The following SCAF8 variants were observed in gnomAD, a reference collection of about 807,000 sequenced individuals.
SCAF8 encodes the protein SR-related and CTD-associated factor 8.
In SCAF8, 23 loss-of-function variants were observed where a neutral mutation model predicts 140.5. The ratio of observed to expected loss-of-function variants is 0.16; its 90% confidence interval spans 0.12 to 0.23. The LOEUF (loss-of-function observed/expected upper bound fraction) is 0.23. Ranked by LOEUF, SCAF8 falls within the 10% of genes least tolerant of loss-of-function variation. SCAF8 has a pLI of 1.00. For missense variants in SCAF8, 1,397 were observed against 1,555.7 expected (o/e 0.90, Z 1.72); for synonymous variants, 575 against 528.9 (o/e 1.09, Z -1.20).
intron 1 of SCAF8, among the ~76,000 whole-genome samples, chr6:154,749,241 T>C (rs148655682): frequency 6.6e-6 from 1 of 152,332 alleles, no homozygotes; most frequent in African/African-American, 2.4e-5. Flanking sequence ...GCACCCAGCC[T>C]AAAATCTCTT....
intron 1 of SCAF8, chr6:154,742,090 G>A: frequency 1.1e-5 from 11 of 1,003,598 alleles, no homozygotes; most frequent in Non-Finnish European, 1.7e-5. Flanking sequence ...GTGGAATAGT[G>A]TATTTGATTA....
chr6:154,756,055 G>T (rs1778958889), intron 1 of SCAF8, among the ~76,000 whole-genome samples: 1 of 152,106 alleles, frequency 6.6e-6, no homozygotes, highest in Non-Finnish European at 1.5e-5. Flanking sequence ...TTTCTAACTG[G>T]ATGTTTATTT....
chr6:154,736,064 G>A (rs1778409226), intron 1 of SCAF8, among the ~76,000 whole-genome samples: 2 of 151,694 alleles, frequency 1.3e-5, no homozygotes, highest in African/African-American at 4.8e-5. Flanking sequence ...GGGCCCAAGC[G>A]GTCCTTTCAC....
Position 154,733,734 on chromosome 6 carries a change from C to T in SCAF8, c.-167C>T. ...CCGCTCTGCCGCTGAGGGAGCCCTT[C>T]CCCGCCAGCGCGTGCCCTTCCACTC... is the stretch of plus-strand genomic sequence containing the variant. On this transcript the variant is annotated 5_prime_UTR_variant, in exon 1 of 20. Transcript: ENST00000367178. 8 of 1,326,994 alleles carry T rather than the reference C, an allele frequency of 6.0e-6. No homozygotes were observed. Among genetic ancestry groups the T allele is most frequent in the Non-Finnish European group, 7.7e-6 (8 of 1,041,924 alleles). 82.2% of individuals were successfully genotyped at this position (1,326,994 alleles called of 1,614,324 possible).
chr6:154,733,648 C>A lies in SCAF8; in HGVS notation c.-253C>A. The A allele has an allele frequency of 1.6e-6, 2 of 1,286,652 alleles. No homozygotes were observed. The highest frequency in any genetic ancestry group is 2.0e-6 in the Non-Finnish European group (2 of 1,020,296). The allele number at this position is 1,286,652 out of a possible 1,614,324, so 79.7% of individuals were successfully genotyped here. A position where few individuals can be genotyped will look rare whatever the true frequency, so the allele number is the denominator to read the frequency against. On this transcript the variant is annotated 5_prime_UTR_variant, in exon 1 of 20. Transcript: ENST00000367178. ...CCCTCCCCCGCCCGCCGCCGACCCG[C>A]CCCGGCAGCGCCTCTGTTCCCTAGA...
intron 1 of SCAF8, among the ~76,000 whole-genome samples, chr6:154,735,769 C>T (rs370200715): frequency 2.6e-4 from 39 of 152,162 alleles, no homozygotes; most frequent in African/African-American, 9.2e-4. Context: ...CCGCCTTGGC[C>T]TCCCAAAGTG....
In SCAF8 at chr6:154,810,195, T is replaced by C. The variant is rs1562458138; in HGVS notation, c.1407T>C (p.Ser469=). 2 of 1,605,722 alleles carry C rather than the reference T, an allele frequency of 1.2e-6. No individual in the cohort carries two copies. The highest frequency in any genetic ancestry group is 1.7e-6 in the Non-Finnish European group (2 of 1,176,438). ...RQKKGLPPIR[S]KTLSVCSTTL... is the part of the protein sequence containing the mutation. Reference sequence around the variant, plus strand: ...AAAAGGGATTACCTCCAATTAGATCTAAAACACTAAGTGGTAAGTAACATA... The same window carrying C: ...AAAAGGGATTACCTCCAATTAGATCCAAAACACTAAGTGGTAAGTAACATA... Residue 469 remains serine (S), a synonymous_variant, in exon 12 of 20, where the codon TCT becomes TCC. Coordinates refer to ENST00000367178, the MANE Select transcript of SCAF8 (RefSeq NM_014892.5).
At position 154,733,928 on chromosome 6, in the gene SCAF8, G is replaced by T; in HGVS notation, c.28G>T (p.Glu10Ter). MEAVKTFNS[E>*]LYSLNDYKPP... is the part of the protein sequence containing the mutation. ...GGAGGCCGTGAAGACCTTCAATAGC[G>T]AGGTTGGTATGGCAGCCGGGTTCCC... is the stretch of plus-strand genomic sequence containing the variant. Residue 10 changes from glutamate to a stop codon, truncating the protein, a stop_gained and splice_region_variant, in exon 1 of 20, where the codon GAG becomes TAG. Coordinates refer to ENST00000367178, the MANE Select transcript of SCAF8 (RefSeq NM_014892.5). LOFTEE classifies it high-confidence loss of function. 1 of 1,534,874 alleles carries T rather than the reference G, an allele frequency of 6.5e-7. No homozygotes were observed. Among genetic ancestry groups the T allele is most frequent in the South Asian group, 1.2e-5 (1 of 81,928 alleles).
intron 5 of SCAF8, 151 bp downstream of exon 5, chr6:154,793,127 A>G: frequency 2.0e-6 from 1 of 496,198 alleles, no homozygotes; most frequent in Non-Finnish European, 3.3e-6. Flanking sequence ...ATAAAATTAG[A>G]TATTATGTTT....
At chr6:154,735,952 C>T (rs1778406005) in intron 1 of SCAF8, among the ~76,000 whole-genome samples, 1 of 151,516 alleles carries the variant, frequency 6.6e-6, no homozygotes, top group African/African-American at 2.4e-5. Context: ...ACCTCAGCCC[C>T]CCAAGTAGGT....
Position 154,805,440 on chromosome 6 carries a change from T to C in SCAF8, c.935T>C (p.Leu312Pro). Reference sequence around the variant, plus strand: ...GCAGAACAACTACAACAGCAAAACCTAGAACATCTCAGACAGCAGCTCTTG... The same window carrying C: ...GCAGAACAACTACAACAGCAAAACCCAGAACATCTCAGACAGCAGCTCTTG... Reference protein sequence around the residue: ...QIAEQLQQQNLEHLRQQLLEQ... With the variant: ...QIAEQLQQQNPEHLRQQLLEQ... Residue 312 changes from leucine to proline, a missense_variant, in exon 9 of 20, where the codon CTA becomes CCA. Leu to Pro is a moderately conservative substitution (Grantham distance 98). Around this residue, in one of 5 missense-constraint regions of SCAF8, gnomAD observed 339 missense variants for 407.5 expected, o/e 0.83. Transcript: ENST00000367178. The C allele has an allele frequency of 6.2e-7, 1 of 1,612,268 alleles. No homozygotes were observed. The highest frequency in any genetic ancestry group is 8.5e-7 in the Non-Finnish European group (1 of 1,178,782).
chr6:154,781,362 A>C (rs1777078806), intron 3 of SCAF8, among the ~76,000 whole-genome samples: 1 of 152,230 alleles, frequency 6.6e-6, no homozygotes, highest in African/African-American at 2.4e-5. Flanking sequence ...ATGGAAAAAC[A>C]TTCTATCCTC....
chr6:154,824,125 A>T, intron 16 of SCAF8, 109 bp from the exon 17 acceptor site: 2 of 1,105,024 alleles, frequency 1.8e-6, no homozygotes, highest in Non-Finnish European at 1.3e-6. Flanking sequence ...AACCCTTTTT[A>T]GTAGTATTTG....
chr6:154,756,421 T>C (rs1344289780), intron 1 of SCAF8, among the ~76,000 whole-genome samples: 1 of 152,188 alleles, frequency 6.6e-6, no homozygotes, highest in Non-Finnish European at 1.5e-5. Context: ...GTTAGATAAA[T>C]GGAGGTGAGG....
intron 1 of SCAF8, among the ~76,000 whole-genome samples, chr6:154,742,249 A>T (rs1430278441): frequency 6.6e-6 from 1 of 152,082 alleles, no homozygotes; most frequent in Non-Finnish European, 1.5e-5. Context: ...AGCATAAATC[A>T]TATATATATA....
chr6:154,790,354 C>A (rs886975030), intron 4 of SCAF8, among the ~76,000 whole-genome samples: 1 of 152,026 alleles, frequency 6.6e-6, no homozygotes, highest in Non-Finnish European at 1.5e-5. Context: ...TTGAAATACA[C>A]AAATTTGCAC....
intron 1 of SCAF8, among the ~76,000 whole-genome samples, chr6:154,766,668 CCT>C (rs1491264532): frequency 2.1e-4 from 20 of 97,298 alleles, no homozygotes; most frequent in African/African-American, 4.2e-4. Flanking sequence ...CACCCCCCCC[CCT>C]TTTTTTTTTT....
chr6:154,759,892 A>T (rs1219676708), intron 1 of SCAF8, among the ~76,000 whole-genome samples: 5 of 151,966 alleles, frequency 3.3e-5, no homozygotes, highest in Non-Finnish European at 7.4e-5. Context: ...AATAGTCTTG[A>T]TCTCCTGATC....
chr6:154,735,842 T>G (rs1056820185), intron 1 of SCAF8, among the ~76,000 whole-genome samples: 22 of 151,946 alleles, frequency 1.4e-4, no homozygotes, highest in African/African-American at 5.1e-4. Context: ...CTATCTTTCT[T>G]TTTTTGAGGA....
Sources: gnomAD v4.1 joint callset for allele counts (sites outside exome capture counted in the v4.1 genomes callset) on GRCh38, gnomAD v4.1.1 for gene constraint, gnomAD v4.1.1 regional missense constraint, MANE v1.5 for transcripts, NCBI Gene and HGNC (gene_info 2026-07-23, HGNC 2026-07-21) for gene names.